HAP1: variants seen among roughly 807,000 people sequenced by gnomAD.
HAP1 encodes huntingtin-associated protein 1.
In HAP1, 59 loss-of-function variants were observed where a neutral mutation model predicts 60.3. The observed-to-expected ratio is 0.98, with a 90% confidence interval of 0.79 to 1.22. The LOEUF is 1.22. Ranked by LOEUF, HAP1 falls within the 50% of genes most tolerant of loss-of-function variation. HAP1 has a pLI of 0.00. For synonymous variants in HAP1, 346 were observed against 330.6 expected (o/e 1.05, Z -0.50); for missense variants, 825 against 785.3 (o/e 1.05, Z -0.60).
Position 41,734,362 on chromosome 17 carries a change from C to T in HAP1, c.273G>A (p.Gly91=). The change falls in exon 1 of 11, where the codon GGG becomes GGA. Residue 91 remains glycine (G), a synonymous_variant. Coordinates refer to ENST00000347901, the MANE Select transcript of HAP1 (RefSeq NM_177977.3). ...AATTGTCGGGCATAGACCGGACATC[C>T]CCTTGGATGGCCGAGAATGCGGACG... ...RRPSAFSAIQ[G]DVRSMPDNSD... is the part of the protein sequence containing the mutation. The T allele has an allele frequency of 6.2e-7, 1 of 1,607,816 alleles. No individual in the cohort carries two copies. The highest frequency in any genetic ancestry group is 8.5e-7 in the Non-Finnish European group (1 of 1,176,012).
chr17:41,719,111 T>C (rs1206013913), downstream of HAP1, among the ~76,000 whole-genome samples: 1 of 152,026 alleles, frequency 6.6e-6, no homozygotes, highest in Non-Finnish European at 1.5e-5. Context: ...CTCAAGTAGC[T>C]GGGATTATAG....
chr17:41,732,630 G>T, intron 2 of HAP1, 89 bp downstream of exon 2: 1 of 1,210,654 alleles, frequency 8.3e-7, no homozygotes, highest in Non-Finnish European at 1.2e-6. Flanking sequence ...GCCCCAGAGA[G>T]ACTGCCAATC....
Position 41,727,083 on chromosome 17 carries a change from A to T in HAP1, c.1337T>A (p.Met446Lys). 6.3e-7 allele frequency: 1 copy of T among 1,583,100 alleles called. No individual in the cohort carries two copies. Among genetic ancestry groups the T allele is most frequent in the Non-Finnish European group, 8.6e-7 (1 of 1,158,918 alleles). ...AEELRTSLRR[M>K]ISDPVYFMER... ...CATAAAATACACAGGGTCTGAGATC[A>T]TCCTCCTTAGAGACGTTCTGAGCTC... The change falls in exon 9 of 11, where the codon ATG becomes AAG. Residue 446 changes from methionine to lysine, a missense_variant. By Grantham distance (95) the Met-to-Lys change is moderately conservative (BLOSUM62 -1). Coordinates refer to ENST00000347901, the MANE Select transcript of HAP1 (RefSeq NM_177977.3).
rs1911484880 is a variant in HAP1 at position 41,724,840 on chromosome 17, T to C, written c.1721A>G (p.Tyr574Cys). ...GLGPSHLDMN[Y>C]VLQQLANWQD... ...CCAGTTGGCCAGCTGCTGGAGGACA[T>C]AATTCATGTCCAGGTGTGAAGGGCC... Residue 574 changes from tyrosine to cysteine, a missense_variant, in exon 11 of 11, where the codon TAT becomes TGT. Physicochemically the swap from Tyr to Cys is radical, Grantham distance 194. Coordinates refer to ENST00000347901, the MANE Select transcript of HAP1 (RefSeq NM_177977.3). 1.2e-6 allele frequency: 2 copies of C among 1,613,480 alleles called. No individual in the cohort carries two copies. The highest frequency in any genetic ancestry group is 1.7e-6 in the Non-Finnish European group (2 of 1,179,984).
At chr17:41,733,352 C>CTTGTTTTTTT (rs1912412669) in intron 1 of HAP1, among the ~76,000 whole-genome samples, 1 of 74,676 alleles carries the variant, frequency 1.3e-5, no homozygotes, top group Non-Finnish European at 2.3e-5. Context: ...CCGCGCCCGG[C>CTTGTTTTTTT]TTTTTTTTTT....
At chr17:41,727,274 G>C (rs1195007593) in intron 8 of HAP1, 130 bp from the exon 9 acceptor site, 1 of 782,162 alleles carries the variant, frequency 1.3e-6, no homozygotes, top group Admixed American at 1.7e-5. Context: ...GTAGGAAAGT[G>C]GGCAGCCAGG....
At chr17:41,717,960 C>T (rs1017476539), downstream of HAP1, 15 of 468,432 alleles carry the variant, frequency 3.2e-5, no homozygotes, top group Admixed American at 3.1e-4. Flanking sequence ...TTGAGCTACC[C>T]GCCACCTGAG....
chr17:41,717,973 C>T (rs1555586285), downstream of HAP1: 3 of 469,472 alleles, frequency 6.4e-6, no homozygotes, highest in Non-Finnish European at 1.3e-5. Context: ...CACCTGAGGG[C>T]TGTAGAGGAG....
downstream of HAP1, among the ~76,000 whole-genome samples, chr17:41,718,732 G>A (rs1164065567): frequency 2.6e-5 from 4 of 152,326 alleles, no homozygotes; most frequent in Admixed American, 6.5e-5. Context: ...GAAGGAAAAC[G>A]TCCTACGTAA....
chr17:41,729,537 G>A (rs559966099), intron 6 of HAP1, among the ~76,000 whole-genome samples: 28 of 90,362 alleles, frequency 3.1e-4, no homozygotes, highest in African/African-American at 1.0e-3. Flanking sequence ...GTTACAGAGG[G>A]AGCCTCCTTC....
In HAP1 at chr17:41,731,570, A is replaced by G; in HGVS notation, c.1003-11T>C. On this transcript the variant is annotated splice_polypyrimidine_tract_variant and intron_variant, in intron 5 of 10. Transcript: ENST00000347901. The stretch of plus-strand genomic sequence containing the variant: ...GTCGAGTTGAGAGGCCTGGAGGGAG[A>G]CAAAGAGGAAGGGACAGGGAAGTCA... The G allele has an allele frequency of 6.2e-7, 1 of 1,610,336 alleles. No homozygotes were observed. Among genetic ancestry groups the G allele is most frequent in the Non-Finnish European group, 8.5e-7 (1 of 1,176,612 alleles).
At chr17:41,718,461 G>A (rs1188177250), downstream of HAP1, among the ~76,000 whole-genome samples, 3 of 152,124 alleles carry the variant, frequency 2.0e-5, no homozygotes, top group African/African-American at 2.4e-5. Flanking sequence ...ACCCACATCC[G>A]GCAGTCACAG....
At chr17:41,721,715 TG>T (rs1276446049), downstream of HAP1, 1 of 150,284 alleles carries the variant, frequency 6.7e-6, no homozygotes, top group East Asian at 2.0e-4. Flanking sequence ...TTACAGGGGC[TG>T]CCACCATGCC....
chr17:41,718,243 A>T, downstream of HAP1: 1 of 241,034 alleles, frequency 4.1e-6, no homozygotes, highest in South Asian at 4.7e-5. Context: ...CAGATGGGAG[A>T]ATTCAGGCTC....
intron 10 of HAP1, 63 bp from the exon 11 acceptor site, chr17:41,725,217 C>G (rs1911538665): frequency 1.5e-6 from 2 of 1,331,074 alleles, no homozygotes; most frequent in African/African-American, 1.5e-5. Flanking sequence ...GGCCCACCCC[C>G]ACCCGTCTCC....
At chr17:41,733,911 G>C (rs1450143510) in intron 1 of HAP1, among the ~76,000 whole-genome samples, 1 of 152,132 alleles carries the variant, frequency 6.6e-6, no homozygotes, top group East Asian at 1.9e-4. Flanking sequence ...ATCTGCCGCA[G>C]CAAGAGGCGC....
chr17:41,728,449 C>T (rs1911864608), intron 6 of HAP1, 118 bp from the exon 7 acceptor site: 2 of 845,550 alleles, frequency 2.4e-6, no homozygotes, highest in Non-Finnish European at 3.6e-6. Flanking sequence ...CCAGTGGGTC[C>T]TGCAGGGCTT....
At position 41,731,497 on chromosome 17, in the gene HAP1, C is replaced by T. The variant is rs761552634; in HGVS notation, c.1065G>A (p.Gln355=). ...EQMLILECVE[Q]FSEASQQMAE... Reference sequence around the variant, plus strand: ...CCGAGTGACAACATTACGTACAAAACTGCTCCACACACTCCAGAATGAGCA... The same window carrying T: ...CCGAGTGACAACATTACGTACAAAATTGCTCCACACACTCCAGAATGAGCA... Residue 355 remains glutamine (Q), a synonymous_variant, in exon 6 of 11, where the codon CAG becomes CAA. Transcript: ENST00000347901. 3 of 1,607,236 alleles carry T rather than the reference C, an allele frequency of 1.9e-6. No individual in the cohort carries two copies. Among genetic ancestry groups the T allele is most frequent in the Non-Finnish European group, 2.6e-6 (3 of 1,173,842 alleles).
At chr17:41,729,961 C>G (rs1329521372) in intron 6 of HAP1, among the ~76,000 whole-genome samples, 2 of 135,252 alleles carry the variant, frequency 1.5e-5, no homozygotes, top group Admixed American at 8.0e-5. Flanking sequence ...ATCACTTGAA[C>G]CCAGGAGGCA....
Sources: allele counts gnomAD v4.1 joint callset (sites outside exome capture counted in the v4.1 genomes callset), GRCh38; gene constraint gnomAD v4.1.1; transcripts MANE v1.5; gene names NCBI Gene and HGNC (gene_info 2026-07-23, HGNC 2026-07-21).